The following NCK2 variants were observed in gnomAD, a reference collection of about 807,000 sequenced individuals.
NCK2 encodes cytoplasmic protein NCK2.
Under a neutral mutation model 33.9 loss-of-function variants are expected in NCK2, and 16 were observed. That is an observed-to-expected ratio of 0.47 (90% CI 0.32 to 0.72). The LOEUF (loss-of-function observed/expected upper bound fraction) is 0.72. Ranked by LOEUF, NCK2 falls within the 30% of genes least tolerant of loss-of-function variation. The pLI is 0.03. For synonymous variants in NCK2, 273 were observed against 239.9 expected, an observed-to-expected ratio of 1.14 and a Z score of -1.27; for missense variants, 418 against 537.3, an observed-to-expected ratio of 0.78 and a Z score of 2.19.
At chr2:105,744,865 T>TCGCCGCCGCCGCCGCGGGAGGGTCGC (rs1553448919), upstream of NCK2, 8 of 153,268 alleles carry the variant, frequency 5.2e-5, no homozygotes, top group African/African-American at 1.8e-4. Flanking sequence ...CGGGGGAGGG[T>TCGCCGCCGCCGCCGCGGGAGGGTCGC]CGCCGCCGCC....
intron 1 of NCK2, among the ~76,000 whole-genome samples, chr2:105,787,478 G>A (rs892509937): frequency 6.6e-6 from 1 of 152,152 alleles, no homozygotes; most frequent in African/African-American, 2.4e-5. Flanking sequence ...AGGACATAGC[G>A]AGAAGGCAGC....
At chr2:105,791,683 C>A (rs574265011) in intron 1 of NCK2, among the ~76,000 whole-genome samples, 3 of 152,242 alleles carry the variant, frequency 2.0e-5, no homozygotes, top group African/African-American at 7.2e-5. Flanking sequence ...TACAGGGTTT[C>A]GTTTTTCTAC....
chr2:105,857,660 T>G (rs6543347), intron 3 of NCK2, among the ~76,000 whole-genome samples: 141,932 of 152,354 alleles, frequency 0.93, 66,185 homozygotes, highest in East Asian at 0.98. Flanking sequence ...CTGAACCCCT[T>G]TATTGAGTAT....
Position 105,893,291 on chromosome 2 carries a change from C to A in NCK2, c.*115C>A. The A allele has an allele frequency of 9.5e-7, 1 of 1,057,488 alleles. No individual in the cohort carries two copies. Among genetic ancestry groups the A allele is most frequent in the Non-Finnish European group, 1.3e-6 (1 of 751,340 alleles). The allele number at this position is 1,057,488 out of a possible 1,614,324, so 65.5% of individuals were successfully genotyped here. ...CCCGACGGCTTCTCTGCGAGTCTCT[C>A]TTTATGTTCAGGTCGCTTGGTCGGT... On this transcript the variant is annotated 3_prime_UTR_variant, in exon 5 of 5. Transcript: ENST00000233154.
At chr2:105,817,174 T>G (rs1451313091) in intron 2 of NCK2, among the ~76,000 whole-genome samples, 1 of 16,642 alleles carries the variant, frequency 6.0e-5, no homozygotes, top group African/African-American at 2.8e-4. Flanking sequence ...AGACTTGGTC[T>G]CAAAAAAAAA....
chr2:105,841,317 G>A (rs1002222293), intron 2 of NCK2, among the ~76,000 whole-genome samples: 5 of 152,072 alleles, frequency 3.3e-5, no homozygotes, highest in African/African-American at 9.7e-5. Context: ...TTTTTCCCTC[G>A]AAAAGCCCTA....
chr2:105,788,366 C>T (rs765372218), intron 1 of NCK2, among the ~76,000 whole-genome samples: 4 of 152,100 alleles, frequency 2.6e-5, no homozygotes, highest in Non-Finnish European at 2.9e-5. Context: ...TTTCTATCAA[C>T]GCCATTTAGA....
chr2:105,893,265 C>CCCCGA lies in NCK2; in HGVS notation c.*91_*95dup. The CCCCGA allele has an allele frequency of 7.9e-7, 1 of 1,264,190 alleles. No individual in the cohort carries two copies. The highest frequency in any genetic ancestry group is 1.1e-6 in the Non-Finnish European group (1 of 931,596). The allele number at this position is 1,264,190 out of a possible 1,614,324, so 78.3% of individuals were successfully genotyped here. ...GCAGAGGCTCCTCCCGCGGGGACGG[C>CCCCGA]CCCGACGGCTTCTCTGCGAGTCTCT... is the stretch of plus-strand genomic sequence containing the variant. On this transcript the variant is annotated 3_prime_UTR_variant, in exon 5 of 5. Coordinates refer to ENST00000233154, the MANE Select transcript of NCK2 (RefSeq NM_003581.5).
chr2:105,882,515 G>A (rs890503316), intron 4 of NCK2, among the ~76,000 whole-genome samples: 4 of 152,138 alleles, frequency 2.6e-5, no homozygotes, highest in African/African-American at 7.2e-5. Flanking sequence ...ATAATCCCAA[G>A]GTCATTGCCA....
chr2:105,770,865 A>G (rs1690112673), intron 1 of NCK2, among the ~76,000 whole-genome samples: 1 of 152,068 alleles, frequency 6.6e-6, no homozygotes, highest in Non-Finnish European at 1.5e-5. Context: ...TTCAATCTTC[A>G]GTGTTTGGCA....
chr2:105,760,040 A>C (rs1405691221), intron 1 of NCK2, among the ~76,000 whole-genome samples: 2 of 152,148 alleles, frequency 1.3e-5, no homozygotes, highest in Non-Finnish European at 2.9e-5. Flanking sequence ...CTCCACTGTC[A>C]AGTGACTCTT....
intron 2 of NCK2, among the ~76,000 whole-genome samples, chr2:105,830,695 G>GTGTGTGTGTA (rs1558859347): frequency 2.6e-5 from 4 of 150,974 alleles, no homozygotes; most frequent in Middle Eastern, 3.4e-3. Context: ...GTGTGTGTGT[G>GTGTGTGTGTA]TGTGTGTGTG....
chr2:105,765,788 T>G lies in NCK2; in HGVS notation c.-201+20650T>G, dbSNP rs114933795. Among the ~76,000 whole-genome samples, 1,232 of 140,492 alleles carry G rather than the reference T, an allele frequency of 8.8e-3. 7 individuals are homozygous for G. Among genetic ancestry groups the G allele is most frequent in the Non-Finnish European group, 0.013 (853 of 64,338 alleles). 92.2% of individuals were successfully genotyped at this position (140,492 alleles called of 152,430 possible). A position where few individuals can be genotyped will look rare whatever the true frequency, so the allele number is the denominator to read the frequency against. The stretch of plus-strand genomic sequence containing the variant: ...CACAGATACAGCTTAGAATAGGGGG[T>G]GTGTGTGTGTGTGTGTGTGTGTGTG... On this transcript the variant is annotated intron_variant, in intron 1 of 4. Coordinates refer to ENST00000233154, the MANE Select transcript of NCK2 (RefSeq NM_003581.5).
intron 1 of NCK2, among the ~76,000 whole-genome samples, chr2:105,771,050 G>A (rs1690120513): frequency 6.6e-6 from 1 of 152,024 alleles, no homozygotes; most frequent in African/African-American, 2.4e-5. Context: ...AGCCTCCCGA[G>A]TAGCTGGGAC....
chr2:105,835,424 T>TATGTGTGTATA (rs1553458625), intron 2 of NCK2, among the ~76,000 whole-genome samples: 1 of 122,544 alleles, frequency 8.2e-6, no homozygotes, highest in Non-Finnish European at 1.8e-5. Context: ...TATATATATA[T>TATGTGTGTATA]TTTTTTTTTG....
At chr2:105,749,114 C>T (rs1379606731) in intron 1 of NCK2, among the ~76,000 whole-genome samples, 1 of 152,158 alleles carries the variant, frequency 6.6e-6, no homozygotes, top group Non-Finnish European at 1.5e-5. Flanking sequence ...ACTGTATTAC[C>T]TGGTGGGCTG....
intron 3 of NCK2, among the ~76,000 whole-genome samples, chr2:105,868,340 A>AC (rs1253984940): frequency 6.6e-6 from 1 of 151,806 alleles, no homozygotes; most frequent in Admixed American, 6.6e-5. Context: ...GTCCTCAGTG[A>AC]CCCCCACAGC....
chr2:105,875,442 G>T (rs182332748), intron 3 of NCK2, among the ~76,000 whole-genome samples: 1 of 152,276 alleles, frequency 6.6e-6, no homozygotes, highest in East Asian at 1.9e-4. Flanking sequence ...AGAACAACTG[G>T]CCAAGCTGCT....
At chr2:105,863,189 T>C (rs914394341) in intron 3 of NCK2, among the ~76,000 whole-genome samples, 5 of 152,242 alleles carry the variant, frequency 3.3e-5, no homozygotes, top group African/African-American at 1.2e-4. Context: ...GCCTCTGTGA[T>C]TGCTGGGAAA....
Sources: allele counts gnomAD v4.1 joint callset (sites outside exome capture counted in the v4.1 genomes callset), GRCh38; gene constraint gnomAD v4.1.1; transcripts MANE v1.5; gene names NCBI Gene and HGNC (gene_info 2026-07-23, HGNC 2026-07-21).